DNAH9: variants seen among roughly 807,000 people sequenced by gnomAD.
DNAH9 encodes the protein DNAH9 variant protein.
In DNAH9, 345 loss-of-function variants were observed where a neutral mutation model predicts 471.6. That is an observed-to-expected ratio of 0.73 (90% CI 0.67 to 0.80). DNAH9 has a LOEUF of 0.80. Among genes scored for constraint, DNAH9 ranks in the 30% least tolerant of loss-of-function variants. The pLI is 0.00. For synonymous variants in DNAH9, 2,093 were observed against 2,123.6 expected (o/e 0.99, Z 0.40); for missense variants, 5,407 against 5,609.2 (o/e 0.96, Z 1.15).
chr17:11,619,950 G>A, intron 6 of DNAH9, 169 bp downstream of exon 6: 2 of 597,056 alleles, frequency 3.3e-6, no homozygotes, highest in Non-Finnish European at 6.0e-6. Flanking sequence ...GCTCATGCCT[G>A]TAATCCCACT....
chr17:11,719,365 C>T lies in DNAH9; in HGVS notation c.5584C>T (p.Leu1862=). The T allele has an allele frequency of 6.2e-7, 1 of 1,614,118 alleles. No individual in the cohort carries two copies. Among genetic ancestry groups the T allele is most frequent in the South Asian group, 1.1e-5 (1 of 91,072 alleles). ...CATCACCCTCACCCAGTCCCTGCAC[C>T]TGACCATGAGTGGGGCTCCCGCAGG... ...CYITLTQSLH[L]TMSGAPAGPA... The change falls in exon 27 of 69, where the codon CTG becomes TTG. Residue 1862 remains leucine (L), a synonymous_variant. Transcript: ENST00000262442.
At chr17:11,805,449 G>A (rs891847838) in intron 43 of DNAH9, among the ~76,000 whole-genome samples, 17 of 144,222 alleles carry the variant, frequency 1.2e-4, no homozygotes, top group Admixed American at 4.2e-4. Context: ...ACAGACAGGA[G>A]CACAGGATTG....
Position 11,852,814 on chromosome 17 carries a change from GTATATATATATATATATATATATA to G in DNAH9, c.9508-1165_9508-1142del, listed in dbSNP as rs58555259. On this transcript the variant is annotated intron_variant, in intron 49 of 68. Coordinates refer to ENST00000262442, the MANE Select transcript of DNAH9 (RefSeq NM_001372.4). Reference sequence around the variant, plus strand: ...TATATATAAGAAAGTGTGTGTGTGTGTATATATATATATATATATATATATATATATATATATATATATATATGA... The same window carrying G: ...TATATATAAGAAAGTGTGTGTGTGTGTATATATATATATATATATATATGA... Among the ~76,000 whole-genome samples the G allele has an allele frequency of 2.1e-3, 199 of 92,686 alleles. 6 individuals are homozygous for G. In the South Asian group the frequency reaches 0.022, roughly 10 times the overall value. 60.8% of individuals were successfully genotyped at this position (92,686 alleles called of 152,430 possible). A position where few individuals can be genotyped will look rare whatever the true frequency, so the allele number is the denominator to read the frequency against.
Position 11,690,097 on chromosome 17 carries a change from CAAA to C in DNAH9, c.4276_4278del (p.Lys1426del). On this transcript the variant is annotated inframe_deletion, in exon 20 of 69. Coordinates refer to ENST00000262442, the MANE Select transcript of DNAH9 (RefSeq NM_001372.4). ...AGGATGAGGTCCGGGGCATTGTGGA[CAAA>C]GCTGCAAAAGAGATGGGTATGGAGA... The C allele has an allele frequency of 1.9e-6, 3 of 1,614,124 alleles. No individual in the cohort carries two copies. Among genetic ancestry groups the C allele is most frequent in the Non-Finnish European group, 2.5e-6 (3 of 1,180,022 alleles).
At chr17:11,696,409 G>A (rs1243486331) in intron 22 of DNAH9, among the ~76,000 whole-genome samples, 4 of 152,118 alleles carry the variant, frequency 2.6e-5, no homozygotes, top group African/African-American at 4.8e-5. Flanking sequence ...AAAGAATGTG[G>A]CATTGAATAA....
At chr17:11,777,228 C>A (rs1427134550) in intron 38 of DNAH9, among the ~76,000 whole-genome samples, 6 of 152,130 alleles carry the variant, frequency 3.9e-5, no homozygotes, top group African/African-American at 1.4e-4. Context: ...AGCTTTCAGG[C>A]AAGCAGTTCA....
Position 11,902,776 on chromosome 17 carries a change from A to G in DNAH9, c.11464A>G (p.Lys3822Glu). The change falls in exon 60 of 69, where the codon AAG becomes GAG. Residue 3822 changes from lysine (K) to glutamate (E), a missense_variant. This residue lies in a region of DNAH9 where 4,636 missense variants were observed against 4,900.3 expected (regional missense o/e 0.95). Transcript: ENST00000262442. Reference protein sequence around the residue: ...NLDRDIEGSAKSWKKFVESEC... With the variant: ...NLDRDIEGSAESWKKFVESEC... ...GGATCGGGACATAGAGGGATCTGCT[A>G]AGAGCTGGAAAAAGTTTGTGGAGTC... 6.2e-7 allele frequency: 1 copy of G among 1,614,048 alleles called. No individual in the cohort carries two copies. The highest frequency in any genetic ancestry group is 1.1e-5 in the South Asian group (1 of 91,078).
intron 52 of DNAH9, among the ~76,000 whole-genome samples, chr17:11,874,494 G>A (rs1013787226): frequency 6.6e-6 from 1 of 152,166 alleles, no homozygotes; most frequent in African/African-American, 2.4e-5. Context: ...GTGAAACAGA[G>A]GAGAGGAAAG....
intron 36 of DNAH9, among the ~76,000 whole-genome samples, chr17:11,768,101 G>A (rs961481892): frequency 8.5e-5 from 13 of 152,114 alleles, no homozygotes; most frequent in Non-Finnish European, 1.8e-4. Flanking sequence ...CTCAGGCACC[G>A]AAGAATGGGG....
intron 6 of DNAH9, 42 bp downstream of exon 6, chr17:11,619,823 A>C: frequency 8.1e-7 from 1 of 1,228,892 alleles, no homozygotes; most frequent in East Asian, 2.3e-5. Context: ...CCCAGACAGA[A>C]AGAAGCAGTC....
Position 11,902,747 on chromosome 17 carries a change from A to G in DNAH9, c.11435A>G (p.Asn3812Ser), listed in dbSNP as rs1226915366. 6.2e-7 allele frequency: 1 copy of G among 1,612,422 alleles called. No homozygotes were observed. Among genetic ancestry groups the G allele is most frequent in the African/African-American group, 1.3e-5 (1 of 74,800 alleles). ...CTTTCATCAATGGAAGAATTCTCTAATCTGGATCGGGACATAGAGGGATCT... is the reference window on the plus strand; with the variant it reads ...CTTTCATCAATGGAAGAATTCTCTAGTCTGGATCGGGACATAGAGGGATCT... ...KVLSSMEEFSNLDRDIEGSAK... is the reference protein window; with the variant it reads ...KVLSSMEEFSSLDRDIEGSAK... The change falls in exon 60 of 69, where the codon AAT becomes AGT. Residue 3812 changes from asparagine to serine, a missense_variant. Physicochemically the swap from Asn to Ser is conservative, Grantham distance 46. Around this residue, in one of 3 missense-constraint regions of DNAH9, gnomAD observed 4,636 missense variants for 4,900.3 expected, o/e 0.95. Coordinates refer to ENST00000262442, the MANE Select transcript of DNAH9 (RefSeq NM_001372.4).
At chr17:11,920,436 C>T (rs1329606814) in intron 61 of DNAH9, among the ~76,000 whole-genome samples, 7 of 151,200 alleles carry the variant, frequency 4.6e-5, no homozygotes, top group Non-Finnish European at 1.0e-4. Context: ...GCCTGTCTAA[C>T]ATGGTGAAAC....
intron 28 of DNAH9, among the ~76,000 whole-genome samples, chr17:11,728,212 A>G (rs975971310): frequency 6.6e-6 from 1 of 152,198 alleles, no homozygotes; most frequent in African/African-American, 2.4e-5. Flanking sequence ...CTGGGCACAG[A>G]AACATGAAGA....
At chr17:11,942,747 G>A (rs980600945) in intron 67 of DNAH9, among the ~76,000 whole-genome samples, 1 of 152,108 alleles carries the variant, frequency 6.6e-6, no homozygotes, top group African/African-American at 2.4e-5. Flanking sequence ...ACTTAAACAA[G>A]TTTATTTTCC....
intron 66 of DNAH9, among the ~76,000 whole-genome samples, chr17:11,941,489 ATC>A (rs1974905976): frequency 6.6e-6 from 1 of 152,088 alleles, no homozygotes; most frequent in Non-Finnish European, 1.5e-5. Context: ...TTAACTCAGA[ATC>A]TCTGAGCCTC....
rs747474189 is a variant in DNAH9, at chr17:11,969,383, G to A, written c.13317G>A (p.Lys4439=). ...TCATCAAGGCCATTCCTGCAGATAA[G>A]CAGGACTGCCGCAGTGTCTATTCCT... The part of the protein sequence containing the change: ...VMFIKAIPAD[K]QDCRSVYSCP... The change falls in exon 69 of 69, where the codon AAG becomes AAA. Residue 4439 remains lysine (K), a synonymous_variant. Transcript: ENST00000262442. 6.2e-7 allele frequency: 1 copy of A among 1,614,096 alleles called. No homozygotes were observed. The highest frequency in any genetic ancestry group is 8.5e-7 in the Non-Finnish European group (1 of 1,180,014).
chr17:11,660,636 A>G (rs963817442), intron 14 of DNAH9, among the ~76,000 whole-genome samples: 1 of 151,972 alleles, frequency 6.6e-6, no homozygotes, highest in Admixed American at 6.6e-5. Flanking sequence ...GTTATAACTT[A>G]TTTTACTCAA....
At chr17:11,954,769 TAAA>T (rs34740871) in intron 67 of DNAH9, among the ~76,000 whole-genome samples, 6 of 118,718 alleles carry the variant, frequency 5.1e-5, no homozygotes, top group Non-Finnish European at 7.0e-5. Context: ...GACTTCGTCT[TAAA>T]AAAAAAAAAA....
chr17:11,840,793 G>A (rs1971004937), intron 49 of DNAH9, among the ~76,000 whole-genome samples: 1 of 152,076 alleles, frequency 6.6e-6, no homozygotes, highest in Non-Finnish European at 1.5e-5. Flanking sequence ...TGTGATATGG[G>A]GCCACGAGCC....
Sources: allele counts gnomAD v4.1 joint callset (sites outside exome capture counted in the v4.1 genomes callset), GRCh38; gene constraint gnomAD v4.1.1; regional missense constraint gnomAD v4.1.1; transcripts MANE v1.5; gene names NCBI Gene and HGNC (gene_info 2026-07-23, HGNC 2026-07-21).